CPED1: variants seen among roughly 807,000 people sequenced by gnomAD.
CPED1 encodes cadherin-like and PC-esterase domain-containing protein 1.
A neutral mutation model predicts 128.2 loss-of-function variants in CPED1; 114 were observed. The ratio of observed to expected loss-of-function variants is 0.89; its 90% CI spans 0.76 to 1.04. The LOEUF is 1.04. Ranked by LOEUF, CPED1 falls within the 50% of genes least tolerant of loss-of-function variation. CPED1 has a pLI of 0.00. For missense variants in CPED1, 1,211 were observed against 1,207.1 expected, an observed-to-expected ratio of 1.00 and a Z score of -0.05; for synonymous variants, 462 against 426.7, an observed-to-expected ratio of 1.08 and a Z score of -1.02.
At chr7:121,256,098 A>C (rs1403228564) in intron 18 of CPED1, among the ~76,000 whole-genome samples, 1 of 128,522 alleles carries the variant, frequency 7.8e-6, no homozygotes, top group Non-Finnish European at 1.7e-5. Flanking sequence ...CTAATAGTTA[A>C]AGCAATCCTA....
intron 9 of CPED1, among the ~76,000 whole-genome samples, 164 bp downstream of exon 9, chr7:121,126,056 G>A (rs1795496961): frequency 2.0e-5 from 3 of 152,104 alleles, no homozygotes; most frequent in African/African-American, 7.2e-5. Flanking sequence ...TAACTAGTAT[G>A]TGGAGAATCT....
intron 16 of CPED1, among the ~76,000 whole-genome samples, chr7:121,160,577 G>A (rs960546491): frequency 6.6e-6 from 1 of 152,162 alleles, no homozygotes; most frequent in Non-Finnish European, 1.5e-5. Flanking sequence ...CTGAATATCT[G>A]CTTAGTAACA....
chr7:121,229,188 C>A (rs1291439184), intron 16 of CPED1, among the ~76,000 whole-genome samples: 2 of 151,942 alleles, frequency 1.3e-5, no homozygotes, highest in South Asian at 2.1e-4. Context: ...TCACATGTAC[C>A]TCATAAATCT....
At chr7:121,120,464 A>G (rs564142397) in intron 7 of CPED1, among the ~76,000 whole-genome samples, 46 of 152,306 alleles carry the variant, frequency 3.0e-4, no homozygotes, top group Admixed American at 1.8e-3. Flanking sequence ...ACATTCCCTG[A>G]TATGACTTAA....
At chr7:121,280,463 C>G (rs1792440644) in intron 22 of CPED1, among the ~76,000 whole-genome samples, 1 of 152,146 alleles carries the variant, frequency 6.6e-6, no homozygotes, top group Non-Finnish European at 1.5e-5. Flanking sequence ...TACAAAGCCT[C>G]AGCTGTCAGA....
chr7:121,246,757 T>TAA (rs11446004), intron 18 of CPED1, among the ~76,000 whole-genome samples: 1 of 149,316 alleles, frequency 6.7e-6, no homozygotes, highest in African/African-American at 2.5e-5. Flanking sequence ...AAGTAGTGGT[T>TAA]AAAAAAAAAA....
intron 2 of CPED1, among the ~76,000 whole-genome samples, chr7:121,010,906 G>T (rs1792149362): frequency 6.6e-6 from 1 of 152,160 alleles, no homozygotes; most frequent in Non-Finnish European, 1.5e-5. Flanking sequence ...AAATGTATAT[G>T]ATATAGATCC....
chr7:121,102,343 A>G (rs1238850775), intron 7 of CPED1, among the ~76,000 whole-genome samples: 1 of 152,126 alleles, frequency 6.6e-6, no homozygotes, highest in African/African-American at 2.4e-5. Flanking sequence ...CCTCCTGCAG[A>G]CATTATTTAT....
intron 5 of CPED1, chr7:121,083,933 A>G (rs926705007): frequency 7.2e-5 from 11 of 152,232 alleles, no homozygotes; most frequent in African/African-American, 2.7e-4. Flanking sequence ...ATGCACAGTG[A>G]GCACCCCATA....
At chr7:121,247,291 T>C (rs1798560630) in intron 18 of CPED1, among the ~76,000 whole-genome samples, 1 of 152,064 alleles carries the variant, frequency 6.6e-6, no homozygotes, top group East Asian at 1.9e-4. Context: ...TTAAGAGTAA[T>C]TTGATAGGGG....
At chr7:121,288,369 G>A (rs1401032424) in intron 22 of CPED1, among the ~76,000 whole-genome samples, 1 of 152,154 alleles carries the variant, frequency 6.6e-6, no homozygotes, top group East Asian at 1.9e-4. Flanking sequence ...GTTCCATTTT[G>A]AAGAACATAT....
chr7:121,075,243 A>G lies in CPED1; in HGVS notation c.616+10930A>G, dbSNP rs1021194269. ...AATACACAGTTTACTGGTCTGACAA[A>G]TTGCTCAGGAGAAAATGATTAGCAT... On this transcript the variant is annotated intron_variant, in intron 5 of 22. Transcript: ENST00000310396. Among the ~76,000 whole-genome samples the G allele has an allele frequency of 1.4e-4, 22 of 152,140 alleles. 1 individual carries two copies. Among genetic ancestry groups the G allele is most frequent in the Non-Finnish European group, 2.9e-5 (2 of 68,020 alleles).
intron 22 of CPED1, among the ~76,000 whole-genome samples, chr7:121,276,107 A>G (rs1792324557): frequency 6.6e-6 from 1 of 152,102 alleles, no homozygotes; most frequent in Non-Finnish European, 1.5e-5. Flanking sequence ...TACTCTATGC[A>G]AGCATTGTAC....
chr7:121,146,665 AATTT>A (rs1240840750), intron 16 of CPED1, among the ~76,000 whole-genome samples: 1 of 152,182 alleles, frequency 6.6e-6, no homozygotes, highest in South Asian at 2.1e-4. Flanking sequence ...TAATTTGATT[AATTT>A]ATTAATAGAC....
At chr7:121,231,705 T>C (rs985895174) in intron 16 of CPED1, among the ~76,000 whole-genome samples, 1 of 151,948 alleles carries the variant, frequency 6.6e-6, no homozygotes, top group Non-Finnish European at 1.5e-5. Context: ...TGTTGAGGTA[T>C]AGAAATGAAC....
At chr7:121,262,242 C>T (rs532407044) in intron 18 of CPED1, among the ~76,000 whole-genome samples, 1 of 152,044 alleles carries the variant, frequency 6.6e-6, no homozygotes, top group Non-Finnish European at 1.5e-5. Flanking sequence ...TGGTGCCATG[C>T]TTGTATAGCC....
rs771745559 is a variant in CPED1 at position 121,142,181 on chromosome 7, A to G, written c.2055+40A>G. 3.3e-6 allele frequency: 5 copies of G among 1,525,994 alleles called. No homozygotes were observed. In the Admixed American group the frequency reaches 8.7e-5, roughly 27 times the overall value. The allele number at this position is 1,525,994 out of a possible 1,614,324, so 94.5% of individuals were successfully genotyped here. A position where few individuals can be genotyped will look rare whatever the true frequency, so the allele number is the denominator to read the frequency against. ...CATTTGCACTTGGGTTGAATTGGGAATGATCTGTTAACCCAGGCGGAAAAT... is the reference window on the plus strand; with the variant it reads ...CATTTGCACTTGGGTTGAATTGGGAGTGATCTGTTAACCCAGGCGGAAAAT... On this transcript the variant is annotated intron_variant, in intron 16 of 22. Transcript: ENST00000310396.
intron 2 of CPED1, among the ~76,000 whole-genome samples, chr7:120,991,060 G>T (rs1796302424): frequency 1.3e-5 from 2 of 152,194 alleles, no homozygotes; most frequent in South Asian, 4.1e-4. Context: ...GGTTCCTACT[G>T]CAGGGCTGAT....
rs185964923 is a variant in CPED1, at chr7:121,032,188, A to G, written c.434-14699A>G. Among the ~76,000 whole-genome samples the G allele has an allele frequency of 7.2e-3, 1,093 of 152,296 alleles. 12 individuals are homozygous for G. Among genetic ancestry groups the G allele is most frequent in the Non-Finnish European group, 8.6e-3 (588 of 68,026 alleles). On this transcript the variant is annotated intron_variant, in intron 3 of 22. Transcript: ENST00000310396. ...AAAACATTATAAAGTATATACCTAA[A>G]TCTTAAAATTAATAATGTTAATGAA... is the stretch of plus-strand genomic sequence containing the variant.
Sources: allele counts gnomAD v4.1 joint callset (sites outside exome capture counted in the v4.1 genomes callset), GRCh38; gene constraint gnomAD v4.1.1; transcripts MANE v1.5; gene names NCBI Gene and HGNC (gene_info 2026-07-23, HGNC 2026-07-21).